The following MID2 variants were observed in gnomAD, a reference collection of about 807,000 sequenced individuals.
MID2 encodes the protein probable E3 ubiquitin-protein ligase MID2.
A neutral mutation model predicts 46.1 loss-of-function variants in MID2; 13 were observed. That is an observed-to-expected ratio of 0.28 (90% CI 0.18 to 0.45). The LOEUF (loss-of-function observed/expected upper bound fraction) is 0.45, where lower values mean the gene tolerates loss of function less well. MID2 is among the 20% of genes least tolerant of loss of function. The pLI is 1.00. For missense variants in MID2, 431 were observed against 575.4 expected, an observed-to-expected ratio of 0.75 and a Z score of 2.57; for synonymous variants, 199 against 212.3, an observed-to-expected ratio of 0.94 and a Z score of 0.55.
intron 5 of MID2, among the ~76,000 whole-genome samples, chrX:107,913,361 T>C (rs1254917341): frequency 8.9e-6 from 1 of 112,083 alleles, no homozygotes; most frequent in Non-Finnish European, 1.9e-5. Context: ...TATGGTGTGT[T>C]GAGTGCCCTT....
At chrX:107,887,247 A>G (rs1302715976) in intron 3 of MID2, among the ~76,000 whole-genome samples, 1 of 111,835 alleles carries the variant, frequency 8.9e-6, no homozygotes, top group Non-Finnish European at 1.9e-5. Context: ...TCAGTATGAT[A>G]TTGGCTGTGG....
intron 3 of MID2, among the ~76,000 whole-genome samples, chrX:107,898,327 G>A (rs2300101): frequency 0.3 from 33,234 of 110,602 alleles, 6,890 homozygotes; most frequent in African/African-American, 0.75. Flanking sequence ...AACCAAGCAC[G>A]TTTTCTATTT....
chrX:107,872,611 C>T (rs147297510), intron 3 of MID2, among the ~76,000 whole-genome samples: 143 of 111,739 alleles, frequency 1.3e-3, no homozygotes, highest in African/African-American at 4.4e-3. Flanking sequence ...TGATCTATTC[C>T]AGTGACTTTC....
At chrX:107,833,065 G>A (rs903906845) in intron 1 of MID2, among the ~76,000 whole-genome samples, 6 of 111,878 alleles carry the variant, frequency 5.4e-5, no homozygotes, top group African/African-American at 1.3e-4. Context: ...AATGCATTTT[G>A]TTTATGTCCT....
At chrX:107,914,603 C>T (rs113092379) in intron 5 of MID2, among the ~76,000 whole-genome samples, 5,668 of 111,990 alleles carry the variant, frequency 0.051, 376 homozygotes, top group African/African-American at 0.17. Flanking sequence ...CCTTTTCTCT[C>T]TCCTCTAACC....
At chrX:107,829,154 G>A (rs1201045544) in intron 1 of MID2, among the ~76,000 whole-genome samples, 1 of 112,322 alleles carries the variant, frequency 8.9e-6, no homozygotes, top group Non-Finnish European at 1.9e-5. Context: ...GATTACAGGT[G>A]TGAGCCACCA....
At chrX:107,843,784 G>A (rs758548889) in intron 2 of MID2, among the ~76,000 whole-genome samples, 47 of 110,314 alleles carry the variant, frequency 4.3e-4, no homozygotes, top group Admixed American at 1.3e-3. Flanking sequence ...CACTTCTTTG[G>A]GTTAATTTTA....
chrX:107,888,632 CT>C (rs772472868), intron 3 of MID2, among the ~76,000 whole-genome samples: 1 of 111,954 alleles, frequency 8.9e-6, no homozygotes. Flanking sequence ...TCTATTAGGT[CT>C]GCTTGGTGCA....
chrX:107,826,855 G>C (rs1001400164), intron 1 of MID2, among the ~76,000 whole-genome samples: 17 of 113,584 alleles, frequency 1.5e-4, no homozygotes, highest in Non-Finnish European at 2.6e-4. Flanking sequence ...CCCCTTGGCC[G>C]GCCGTCTGCC....
intron 5 of MID2, among the ~76,000 whole-genome samples, chrX:107,907,828 G>A (rs1932849320): frequency 8.9e-6 from 1 of 111,999 alleles, no homozygotes; most frequent in African/African-American, 3.2e-5. Context: ...AAGTCATATT[G>A]CAAGAAATAG....
Position 107,927,134 on chromosome X carries a change from C to G in MID2, c.*61C>G. The G allele has an allele frequency of 9.8e-7, 1 of 1,016,250 alleles. No individual in the cohort carries two copies. The highest frequency in any genetic ancestry group is 1.3e-6 in the Non-Finnish European group (1 of 754,167). 83.8% of individuals were successfully genotyped at this position (1,016,250 alleles called of 1,213,427 possible). ...TTCAGCAGTTCTTCCCCTCCTACAC[C>G]TAAGTTAGCGTTCAATATACGAGAC... is the stretch of plus-strand genomic sequence containing the variant. On this transcript the variant is annotated 3_prime_UTR_variant, in exon 10 of 10. Coordinates refer to ENST00000262843, the MANE Select transcript of MID2 (RefSeq NM_012216.4).
intron 3 of MID2, among the ~76,000 whole-genome samples, chrX:107,860,645 A>G (rs749311034): frequency 8.9e-6 from 1 of 112,628 alleles, no homozygotes; most frequent in Non-Finnish European, 1.9e-5. Flanking sequence ...AATGCTGTGC[A>G]TTTTGAAAAT....
chrX:107,854,793 G>C, intron 3 of MID2, 89 bp downstream of exon 3: 1 of 625,918 alleles, frequency 1.6e-6, no homozygotes, highest in Non-Finnish European at 2.6e-6. Flanking sequence ...GTGTAGCCTA[G>C]TCATTTGGAA....
At chrX:107,874,689 A>G (rs908182779) in intron 3 of MID2, among the ~76,000 whole-genome samples, 1 of 110,491 alleles carries the variant, frequency 9.1e-6, no homozygotes, top group Non-Finnish European at 1.9e-5. Context: ...CTGCCTGAGT[A>G]TCCTTTATTA....
chrX:107,880,518 G>A (rs190522442), intron 3 of MID2, among the ~76,000 whole-genome samples: 18 of 111,192 alleles, frequency 1.6e-4, no homozygotes, highest in Admixed American at 1.3e-3. Context: ...CTTCTGGGTC[G>A]GAGCACATGA....
chrX:107,849,116 A>C (rs1319729618), intron 2 of MID2, among the ~76,000 whole-genome samples: 1 of 112,280 alleles, frequency 8.9e-6, no homozygotes, highest in Non-Finnish European at 1.9e-5. Context: ...AGCAGTCAGG[A>C]TCTTGTCTAG....
At chrX:107,865,027 C>G (rs1931926247) in intron 3 of MID2, among the ~76,000 whole-genome samples, 2 of 112,399 alleles carry the variant, frequency 1.8e-5, no homozygotes, top group South Asian at 7.4e-4. Flanking sequence ...GATTCTCATT[C>G]TCATTTTACA....
intron 3 of MID2, among the ~76,000 whole-genome samples, chrX:107,874,972 AG>A (rs1037433939): frequency 9.0e-6 from 1 of 111,184 alleles, no homozygotes; most frequent in Non-Finnish European, 1.9e-5. Flanking sequence ...ACCCTCCGAG[AG>A]GTTTCCTCAG....
chrX:107,884,941 C>T (rs1218401866), intron 3 of MID2, among the ~76,000 whole-genome samples: 1 of 111,463 alleles, frequency 9.0e-6, no homozygotes, highest in Non-Finnish European at 1.9e-5. Context: ...ACTTTCTAGG[C>T]CAAGCCATAA....
Sources: allele counts gnomAD v4.1 joint callset (sites outside exome capture counted in the v4.1 genomes callset), GRCh38; gene constraint gnomAD v4.1.1; transcripts MANE v1.5; gene names NCBI Gene and HGNC (gene_info 2026-07-23, HGNC 2026-07-21).